The following FOXP1 variants were observed in gnomAD, a reference collection of about 807,000 sequenced individuals.
FOXP1 encodes forkhead box protein P1.
Under a neutral mutation model 98.2 loss-of-function variants are expected in FOXP1, and 15 were observed. The ratio of observed to expected loss-of-function variants is 0.15; its 90% confidence interval spans 0.10 to 0.24. The LOEUF (loss-of-function observed/expected upper bound fraction) is 0.24, where lower values mean the gene tolerates loss of function less well. FOXP1 is among the 10% of genes least tolerant of loss of function. FOXP1 has a pLI of 1.00. For missense variants in FOXP1, 633 were observed against 848.5 expected (o/e 0.75, Z 3.15); for synonymous variants, 371 against 314.5 (o/e 1.18, Z -1.90).
intron 5 of FOXP1, among the ~76,000 whole-genome samples, chr3:71,251,432 T>C (rs531398537): frequency 5.3e-5 from 8 of 152,346 alleles, no homozygotes; most frequent in African/African-American, 1.7e-4. Context: ...GCGAGAAAGA[T>C]TAGTATTGAT....
At chr3:71,574,228 T>C (rs1255378271) in intron 2 of FOXP1, 1 of 152,188 alleles carries the variant, frequency 6.6e-6, no homozygotes, top group African/African-American at 2.4e-5. Flanking sequence ...TAAAAACAAT[T>C]GCCAACTTTT....
chr3:71,547,014 A>G (rs1411438130), intron 2 of FOXP1, among the ~76,000 whole-genome samples: 1 of 152,224 alleles, frequency 6.6e-6, no homozygotes, highest in Non-Finnish European at 1.5e-5. Flanking sequence ...AAGACAAAAC[A>G]AATTGTGAAA....
Position 71,130,312 on chromosome 3 carries a change from G to A in FOXP1, c.181-17675C>T, listed in dbSNP as rs1323414246. On this transcript the variant is annotated intron_variant, in intron 6 of 20. Transcript: ENST00000649528. ...ATTAAACAAGGAGTTAGAAGGAAAC[G>A]GTCCTCTCAAATCTCTAAAAAGAAA... Among the ~76,000 whole-genome samples, 5 of 152,112 alleles carry A rather than the reference G, an allele frequency of 3.3e-5. No homozygotes were observed. In the East Asian group the frequency reaches 7.7e-4, roughly 24 times the overall value.
chr3:71,499,918 A>T (rs1363334787), intron 2 of FOXP1, among the ~76,000 whole-genome samples: 1 of 152,206 alleles, frequency 6.6e-6, no homozygotes, highest in Non-Finnish European at 1.5e-5. Context: ...AGAACAAATA[A>T]TACTTCTGTT....
At chr3:71,351,736 C>A (rs567369214) in intron 4 of FOXP1, among the ~76,000 whole-genome samples, 2 of 152,180 alleles carry the variant, frequency 1.3e-5, no homozygotes. Flanking sequence ...GAGGGAGACC[C>A]TCTCACTTTT....
intron 4 of FOXP1, among the ~76,000 whole-genome samples, chr3:71,305,246 G>C (rs542474078): frequency 3.3e-5 from 5 of 152,140 alleles, no homozygotes; most frequent in African/African-American, 7.2e-5. Context: ...AAAATTCCTA[G>C]AGCAAACAGT....
intron 6 of FOXP1, among the ~76,000 whole-genome samples, chr3:71,151,186 G>A (rs953862677): frequency 6.6e-6 from 1 of 152,150 alleles, no homozygotes; most frequent in South Asian, 2.1e-4. Flanking sequence ...TGCTACCTGG[G>A]AGCACAGACT....
chr3:71,202,735 A>G (rs908205119), intron 5 of FOXP1, among the ~76,000 whole-genome samples: 2 of 152,236 alleles, frequency 1.3e-5, no homozygotes, highest in Non-Finnish European at 2.9e-5. Flanking sequence ...AAAACTAAGG[A>G]AATTCCAGAA....
chr3:71,430,519 A>T (rs1195788166), intron 3 of FOXP1, among the ~76,000 whole-genome samples: 1 of 152,120 alleles, frequency 6.6e-6, no homozygotes, highest in African/African-American at 2.4e-5. Flanking sequence ...AAAGAAAAAA[A>T]AAAAACAGGA....
intron 5 of FOXP1, among the ~76,000 whole-genome samples, chr3:71,225,955 A>C (rs1481891479): frequency 6.6e-6 from 1 of 152,200 alleles, no homozygotes; most frequent in East Asian, 1.9e-4. Flanking sequence ...TGAGTTTCAG[A>C]GGGCTTACCA....
intron 2 of FOXP1, among the ~76,000 whole-genome samples, chr3:71,561,467 C>T (rs535438794): frequency 6.0e-5 from 9 of 149,568 alleles, no homozygotes; most frequent in South Asian, 2.1e-4. Flanking sequence ...CTAGTCACCA[C>T]GACCCGTTGT....
chr3:70,981,211 AAAAAAAAGC>A (rs1218212994), intron 14 of FOXP1, among the ~76,000 whole-genome samples: 124 of 149,480 alleles, frequency 8.3e-4, no homozygotes, highest in Non-Finnish European at 1.3e-3. Context: ...AAAAAAAAAA[AAAAAAAAGC>A]AACAGCGAAA....
chr3:71,060,720 C>T (rs546964048), intron 7 of FOXP1, among the ~76,000 whole-genome samples: 1 of 152,158 alleles, frequency 6.6e-6, no homozygotes, highest in Non-Finnish European at 1.5e-5. Flanking sequence ...TCACAGAAGC[C>T]GACCTTTTTG....
At chr3:71,015,693 T>C (rs2044357110) in intron 11 of FOXP1, 40 bp from the exon 12 acceptor site, 3 of 1,405,822 alleles carry the variant, frequency 2.1e-6, no homozygotes, top group Non-Finnish European at 3.0e-6. Flanking sequence ...ATGAATTTGC[T>C]GCCAAGAACC....
chr3:71,034,277 A>G (rs2047285761), intron 11 of FOXP1, among the ~76,000 whole-genome samples: 1 of 151,856 alleles, frequency 6.6e-6, no homozygotes, highest in African/African-American at 2.4e-5. Context: ...AGCTTAACCC[A>G]CTCTGTAGTC....
At chr3:71,280,476 A>T (rs1265605410) in intron 5 of FOXP1, among the ~76,000 whole-genome samples, 1 of 151,860 alleles carries the variant, frequency 6.6e-6, no homozygotes, top group Non-Finnish European at 1.5e-5. Flanking sequence ...GCCCACCACC[A>T]TGCTCGGCTA....
rs574021261 is a variant in FOXP1 at position 70,961,649 on chromosome 3, G to T, written c.1890-2258C>A. Among the ~76,000 whole-genome samples the T allele has an allele frequency of 2.6e-5, 4 of 152,098 alleles. No homozygotes were observed. In the South Asian group the frequency reaches 6.2e-4, roughly 24 times the overall value. ...ATGGGGATTTTTTTTTTTAATGGCT[G>T]TATTAGTGTTTCAGCAGTAAGAATT... On this transcript the variant is annotated intron_variant, in intron 20 of 20. Coordinates refer to ENST00000649528, the MANE Select transcript of FOXP1 (RefSeq NM_001349338.3).
At chr3:71,127,113 GC>G (rs1424709147) in intron 6 of FOXP1, among the ~76,000 whole-genome samples, 1 of 152,050 alleles carries the variant, frequency 6.6e-6, no homozygotes, top group Non-Finnish European at 1.5e-5. Context: ...TTCTGGAAAA[GC>G]TTTCAACGAA....
chr3:71,258,921 G>A (rs143356714), intron 5 of FOXP1, among the ~76,000 whole-genome samples: 14 of 152,232 alleles, frequency 9.2e-5, no homozygotes, highest in East Asian at 5.8e-4. Context: ...CCAGACAGCC[G>A]GATCACGAGG....
Sources: allele counts gnomAD v4.1 joint callset (sites outside exome capture counted in the v4.1 genomes callset), GRCh38; gene constraint gnomAD v4.1.1; transcripts MANE v1.5; gene names NCBI Gene and HGNC (gene_info 2026-07-23, HGNC 2026-07-21).